STYXL1: variants seen among roughly 807,000 people sequenced by gnomAD.
STYXL1 encodes serine/threonine/tyrosine interacting like 1.
STYXL1 carries 32 observed loss-of-function variants against 36.4 expected under a neutral mutation model. That is an observed-to-expected ratio of 0.88 (90% CI 0.66 to 1.18). STYXL1 has a LOEUF of 1.18. Ranked by LOEUF, STYXL1 falls within the 50% of genes most tolerant of loss-of-function variation. The pLI is 0.00. For missense variants in STYXL1, 354 were observed against 394.1 expected (o/e 0.90, Z 0.86); for synonymous variants, 133 against 144.1 (o/e 0.92, Z 0.55).
intron 5 of STYXL1, among the ~76,000 whole-genome samples, chr7:76,009,947 A>C (rs1028802122): frequency 5.9e-5 from 9 of 152,202 alleles, no homozygotes; most frequent in Non-Finnish European, 7.4e-5. Context: ...CAATGTGACT[A>C]GACTAGGAGC....
In STYXL1 at chr7:76,024,941, T is replaced by C. The variant is rs1345621963; in HGVS notation, c.166-2949A>G. 1.4e-4 allele frequency among the ~76,000 whole-genome samples: 11 copies of C among 76,572 alleles called. No individual in the cohort carries two copies. In the East Asian group the frequency reaches 4.1e-3, roughly 29 times the overall value. 50.2% of individuals were successfully genotyped at this position (76,572 alleles called of 152,430 possible). On this transcript the variant is annotated intron_variant, in intron 3 of 8. Transcript: ENST00000359697. Reference sequence around the variant, plus strand: ...TCCAGCCTGGGCGACAGAGTGAGACTCTGTCTCAAAAAAAAAAAAAAAAAA... The same window carrying C: ...TCCAGCCTGGGCGACAGAGTGAGACCCTGTCTCAAAAAAAAAAAAAAAAAA...
chr7:76,030,410 C>T lies in STYXL1; in HGVS notation c.103+11G>A. On this transcript the variant is annotated intron_variant, in intron 2 of 8. Transcript: ENST00000359697. ...GTGTTTGACCTCCTCCGCTTTTTTC[C>T]AAGTACTTACCCAATAAACAGAGAT... 6.3e-7 allele frequency: 1 copy of T among 1,598,908 alleles called. No homozygotes were observed. Among genetic ancestry groups the T allele is most frequent in the East Asian group, 2.2e-5 (1 of 44,706 alleles).
At chr7:75,999,491 TTGTG>T (rs1554565568) in intron 8 of STYXL1, among the ~76,000 whole-genome samples, 1 of 111,244 alleles carries the variant, frequency 9.0e-6, no homozygotes, top group African/African-American at 3.8e-5. Context: ...AATTTTTTTG[TTGTG>T]TGTGTGTGTG....
At chr7:76,046,691 A>G (rs1797146535) in intron 1 of STYXL1, among the ~76,000 whole-genome samples, 1 of 129,642 alleles carries the variant, frequency 7.7e-6, no homozygotes, top group Admixed American at 8.6e-5. Flanking sequence ...CCGTCGCCCA[A>G]GCTGGAGTAC....
chr7:76,034,660 CTA>C (rs1416681216), intron 1 of STYXL1, among the ~76,000 whole-genome samples: 23 of 152,198 alleles, frequency 1.5e-4, no homozygotes, highest in Non-Finnish European at 3.2e-4. Flanking sequence ...CCAGGTAACT[CTA>C]TGTGTGGGGA....
chr7:76,043,031 C>T (rs1473404470), intron 1 of STYXL1, among the ~76,000 whole-genome samples: 3 of 152,156 alleles, frequency 2.0e-5, no homozygotes, highest in Non-Finnish European at 2.9e-5. Flanking sequence ...ATGGCCTGCA[C>T]CCCCAGAATT....
chr7:76,024,804 C>T (rs1289648841), intron 3 of STYXL1, among the ~76,000 whole-genome samples: 1 of 151,746 alleles, frequency 6.6e-6, no homozygotes, highest in African/African-American at 2.4e-5. Context: ...CAAAAATTAG[C>T]CAGGTGTGGT....
chr7:76,037,882 G>A (rs1260008490), intron 1 of STYXL1, among the ~76,000 whole-genome samples: 1 of 150,026 alleles, frequency 6.7e-6, no homozygotes, highest in Admixed American at 6.6e-5. Context: ...GGTTCGCGGT[G>A]GGAAGCTCAG....
chr7:76,025,904 GCA>G (rs1794645368), intron 3 of STYXL1, among the ~76,000 whole-genome samples: 1 of 151,926 alleles, frequency 6.6e-6, no homozygotes, highest in South Asian at 2.1e-4. Flanking sequence ...AGAAAAAGCA[GCA>G]CAGAGGCCGG....
At chr7:76,024,726 G>A (rs1554577205) in intron 3 of STYXL1, among the ~76,000 whole-genome samples, 2 of 151,988 alleles carry the variant, frequency 1.3e-5, no homozygotes, top group East Asian at 1.9e-4. Flanking sequence ...CAAGGCAGGC[G>A]GATCACAAGG....
intron 4 of STYXL1, among the ~76,000 whole-genome samples, chr7:76,016,613 G>C (rs1310299274): frequency 2.0e-5 from 3 of 151,952 alleles, no homozygotes; most frequent in Admixed American, 2.0e-4. Flanking sequence ...AGACATACAA[G>C]CAGCCAACGA....
chr7:76,019,085 G>A (rs1276590578), intron 4 of STYXL1, among the ~76,000 whole-genome samples: 1 of 152,050 alleles, frequency 6.6e-6, no homozygotes, highest in Non-Finnish European at 1.5e-5. Flanking sequence ...TCATTGATCT[G>A]CAGAATCACA....
chr7:76,028,633 C>T lies in STYXL1; in HGVS notation c.165+9G>A. ...CAGCCTGCCCCAGATCCTGACGCTG[C>T]CCATGTACCTTCTTCACTCGAAGGG... is the stretch of plus-strand genomic sequence containing the variant. On this transcript the variant is annotated intron_variant, in intron 3 of 8. Coordinates refer to ENST00000359697, the MANE Select transcript of STYXL1 (RefSeq NM_001317785.2). 6.2e-7 allele frequency: 1 copy of T among 1,613,718 alleles called. No individual in the cohort carries two copies.
rs1795361953 is a variant in STYXL1, at chr7:76,031,749, A to G, written c.-4-1222T>C. On this transcript the variant is annotated intron_variant, in intron 1 of 8. Coordinates refer to ENST00000359697, the MANE Select transcript of STYXL1 (RefSeq NM_001317785.2). ...AAAAAATGTGTAGTGAAATGTGGGC[A>G]GAGAATAAAATCTTGAATACAACGT... Among the ~76,000 whole-genome samples, 2 of 151,480 alleles carry G rather than the reference A, an allele frequency of 1.3e-5. 1 individual carries two copies. Among genetic ancestry groups the G allele is most frequent in the Admixed American group, 1.3e-4 (2 of 15,168 alleles).
chr7:76,019,372 C>T (rs561191756), intron 4 of STYXL1, among the ~76,000 whole-genome samples: 4 of 151,544 alleles, frequency 2.6e-5, no homozygotes, highest in Non-Finnish European at 5.9e-5. Context: ...TCATAGCTCA[C>T]TGCAGCCTTG....
Position 76,013,897 on chromosome 7 carries a change from G to C in STYXL1, c.308-10C>G. ...GCTTGAGGCACAAGATCTGAGAGTGGAGACCAAAGACATGAATGTCTCCTG... is the reference window on the plus strand; with the variant it reads ...GCTTGAGGCACAAGATCTGAGAGTGCAGACCAAAGACATGAATGTCTCCTG... On this transcript the variant is annotated splice_polypyrimidine_tract_variant and intron_variant, in intron 4 of 8. Coordinates refer to ENST00000359697, the MANE Select transcript of STYXL1 (RefSeq NM_001317785.2). The C allele has an allele frequency of 6.2e-7, 1 of 1,603,538 alleles. No homozygotes were observed. The highest frequency in any genetic ancestry group is 8.5e-7 in the Non-Finnish European group (1 of 1,173,954).
At chr7:76,009,487 T>G (rs1792277682) in intron 5 of STYXL1, among the ~76,000 whole-genome samples, 1 of 152,142 alleles carries the variant, frequency 6.6e-6, no homozygotes, top group Non-Finnish European at 1.5e-5. Flanking sequence ...CTCAGCTCAC[T>G]GCAACCTCCG....
At chr7:76,021,080 A>ATTTTTTTTTTTTTTTTTTTTTTTTTT (rs200072611) in intron 4 of STYXL1, among the ~76,000 whole-genome samples, 1 of 144,896 alleles carries the variant, frequency 6.9e-6, no homozygotes, top group African/African-American at 2.6e-5. Context: ...TGTTACAAGA[A>ATTTTTTTTTTTTTTTTTTTTTTTTTT]TTTTTTTTTT....
At position 76,021,896 on chromosome 7, in the gene STYXL1, A is replaced by T. The variant is rs1554576347; in HGVS notation, c.262T>A (p.Leu88Ile). The T allele has an allele frequency of 6.2e-7, 1 of 1,613,794 alleles. No homozygotes were observed. Among genetic ancestry groups the T allele is most frequent in the Non-Finnish European group, 8.5e-7 (1 of 1,179,996 alleles). The part of the protein sequence containing the change: ...DNNSSTLEIL[L>I]KDDDDDSDSD... ...TCTGAATCATCATCATCATCTTTTA[A>T]GAGTATCTCCAGGGTGCTGCTGTTG... Residue 88 changes from leucine to isoleucine, a missense_variant, in exon 4 of 9, where the codon TTA becomes ATA. Leu to Ile is a conservative substitution (Grantham distance 5). Coordinates refer to ENST00000359697, the MANE Select transcript of STYXL1 (RefSeq NM_001317785.2).
Sources: gnomAD v4.1 joint callset for allele counts (sites outside exome capture counted in the v4.1 genomes callset) on GRCh38, gnomAD v4.1.1 for gene constraint, MANE v1.5 for transcripts, NCBI Gene and HGNC (gene_info 2026-07-23, HGNC 2026-07-21) for gene names.